ZNF471: variants seen among roughly 807,000 people sequenced by gnomAD.
ZNF471 encodes zinc finger protein 471.
Under a neutral mutation model 13.7 loss-of-function variants are expected in ZNF471, and 7 were observed. The observed-to-expected ratio is 0.51, with a 90% CI of 0.29 to 0.96. The LOEUF (loss-of-function observed/expected upper bound fraction) is 0.96, where lower values mean the gene tolerates loss of function less well. Among genes scored for constraint, ZNF471 ranks in the 40% least tolerant of loss-of-function variants. The pLI, the probability that ZNF471 is intolerant of heterozygous loss-of-function variation, is 0.08. For synonymous variants in ZNF471, 218 were observed against 235.6 expected, an observed-to-expected ratio of 0.93 and a Z score of 0.68; for missense variants, 663 against 743.3, an observed-to-expected ratio of 0.89 and a Z score of 1.26.
intron 2 of ZNF471, among the ~76,000 whole-genome samples, chr19:56,515,509 C>T (rs952213517): frequency 6.6e-6 from 1 of 152,140 alleles, no homozygotes; most frequent in Non-Finnish European, 1.5e-5. Context: ...TTAAAATGTG[C>T]TTTTAAACAC....
Position 56,525,306 on chromosome 19 carries a change from C to T in ZNF471, c.1239C>T (p.Ser413=). 1 of 1,611,764 alleles carries T rather than the reference C, an allele frequency of 6.2e-7. No homozygotes were observed. The highest frequency in any genetic ancestry group is 1.1e-5 in the South Asian group (1 of 90,838). The change falls in exon 5 of 5, where the codon AGC becomes AGT. Residue 413 remains serine, a synonymous_variant. Transcript: ENST00000308031. Reference sequence around the variant, plus strand: ...GTGGTGTGTGTGGAAAAACCTTCAGCTCGGGTTCATCCCGTACTGTACATC... The same window carrying T: ...GTGGTGTGTGTGGAAAAACCTTCAGTTCGGGTTCATCCCGTACTGTACATC... The part of the protein sequence containing the change: ...YKCGVCGKTF[S]SGSSRTVHQR...
rs937380926 is a variant in ZNF471, at chr19:56,522,515, A to G, written c.257-1809A>G. 6.6e-6 allele frequency among the ~76,000 whole-genome samples: 1 copy of G among 152,216 alleles called. No individual in the cohort carries two copies. Among genetic ancestry groups the G allele is most frequent in the Admixed American group, 6.5e-5 (1 of 15,286 alleles). ...ATCACAAATGCTTAGTGCATAATGT[A>G]TAATTGCTTAGGAAATATTGGATTA... On this transcript the variant is annotated intron_variant, in intron 4 of 4. Coordinates refer to ENST00000308031, the MANE Select transcript of ZNF471 (RefSeq NM_020813.4). The surrounding 1 kb of genome is among the most constrained non-coding windows in gnomAD (Gnocchi z 4.1).
chr19:56,517,878 C>T (rs1275519909), intron 3 of ZNF471, among the ~76,000 whole-genome samples: 1 of 152,056 alleles, frequency 6.6e-6, no homozygotes, highest in African/African-American at 2.4e-5. Context: ...TTATTTGGTT[C>T]TTCTTGTAGT....
chr19:56,510,189 G>T lies in ZNF471; in HGVS notation c.-55-1328G>T. The T allele has an allele frequency of 1.0e-6, 1 of 985,494 alleles. No individual in the cohort carries two copies. The highest frequency in any genetic ancestry group is 1.2e-6 in the Non-Finnish European group (1 of 829,990). 61.0% of individuals were successfully genotyped at this position (985,494 alleles called of 1,614,324 possible). Reference sequence around the variant, plus strand: ...TATTTTGTGTGCATGAGATAAAGCAGTTGGAATATGAGAGATCAGAGTGTG... The same window carrying T: ...TATTTTGTGTGCATGAGATAAAGCATTTGGAATATGAGAGATCAGAGTGTG... On this transcript the variant is annotated intron_variant, in intron 1 of 4. Transcript: ENST00000308031. The surrounding 1 kb of genome is among the most constrained non-coding windows in gnomAD (Gnocchi z 4.3).
intron 1 of ZNF471, chr19:56,511,045 T>G: frequency 3.2e-5 from 31 of 958,264 alleles, no homozygotes; most frequent in South Asian, 9.6e-5. Flanking sequence ...AGAAGGAGGA[T>G]AACCCTGGCC....
rs980411148 is a variant in ZNF471, at chr19:56,507,881, C to G, written c.-95C>G. The G allele has an allele frequency of 1.0e-6, 1 of 985,532 alleles. No homozygotes were observed. Among genetic ancestry groups the G allele is most frequent in the African/African-American group, 1.7e-5 (1 of 57,258 alleles). The allele number at this position is 985,532 out of a possible 1,614,324, so 61.0% of individuals were successfully genotyped here. A position where few individuals can be genotyped will look rare whatever the true frequency, so the allele number is the denominator to read the frequency against. ...GGGTTCCAGCGTCGACTCACGGAGT[C>G]CTTCGGATGAGAGCGTCTGGGTGCC... On this transcript the variant is annotated 5_prime_UTR_variant, in exon 1 of 5. Coordinates refer to ENST00000308031, the MANE Select transcript of ZNF471 (RefSeq NM_020813.4).
Position 56,508,275 on chromosome 19 carries a change from A to T in ZNF471, c.-56+355A>T. 9.0e-6 allele frequency: 7 copies of T among 777,066 alleles called. No homozygotes were observed. Among genetic ancestry groups the T allele is most frequent in the Non-Finnish European group, 1.1e-5 (7 of 643,242 alleles). 48.1% of individuals were successfully genotyped at this position (777,066 alleles called of 1,614,324 possible). ...TGTGACAGACCGAGAGTCCAGTGTG[A>T]GACCAGGGTATGTTCGTGTGTGACA... On this transcript the variant is annotated intron_variant, in intron 1 of 4. Coordinates refer to ENST00000308031, the MANE Select transcript of ZNF471 (RefSeq NM_020813.4). The surrounding 1 kb of genome is among the most constrained non-coding windows in gnomAD (Gnocchi z 4.7).
In ZNF471 at chr19:56,516,141, G is replaced by C; in HGVS notation, c.34-134G>C. 1 of 832,938 alleles carries C rather than the reference G, an allele frequency of 1.2e-6. No individual in the cohort carries two copies. The allele number at this position is 832,938 out of a possible 1,614,324, so 51.6% of individuals were successfully genotyped here. ...TAAACACTTCCATAAGTACTGTTTT[G>C]GCTTGGATCTTCCTATTTATGTTTT... On this transcript the variant is annotated intron_variant, in intron 2 of 4. Transcript: ENST00000308031. This position sits in a 1 kb window ranked among gnomAD's most constrained non-coding sequence, Gnocchi z 4.4.
In ZNF471 at chr19:56,516,439, G is replaced by A; in HGVS notation, c.160+38G>A. 6.4e-7 allele frequency: 1 copy of A among 1,567,580 alleles called. No individual in the cohort carries two copies. On this transcript the variant is annotated intron_variant, in intron 3 of 4. Transcript: ENST00000308031. The surrounding 1 kb of genome is among the most constrained non-coding windows in gnomAD (Gnocchi z 4.4). ...TCCCTCCTGCATAATCTACCTTTAAGGAACTTTTTTGTCTATATATTATTA... is the reference window on the plus strand; with the variant it reads ...TCCCTCCTGCATAATCTACCTTTAAAGAACTTTTTTGTCTATATATTATTA...
chr19:56,509,493 T>C (rs925730273), intron 1 of ZNF471, among the ~76,000 whole-genome samples: 1 of 152,216 alleles, frequency 6.6e-6, no homozygotes, highest in African/African-American at 2.4e-5. Context: ...CCCCGATTTA[T>C]AGCTAGTCAG....
In ZNF471 at chr19:56,508,171, G is replaced by A; in HGVS notation, c.-56+251G>A. 1 of 985,346 alleles carries A rather than the reference G, an allele frequency of 1.0e-6. No individual in the cohort carries two copies. The highest frequency in any genetic ancestry group is 4.7e-5 in the South Asian group (1 of 21,288). The allele number at this position is 985,346 out of a possible 1,614,324, so 61.0% of individuals were successfully genotyped here. A position where few individuals can be genotyped will look rare whatever the true frequency, so the allele number is the denominator to read the frequency against. On this transcript the variant is annotated intron_variant, in intron 1 of 4. Coordinates refer to ENST00000308031, the MANE Select transcript of ZNF471 (RefSeq NM_020813.4). The surrounding 1 kb of genome is among the most constrained non-coding windows in gnomAD (Gnocchi z 4.7). The stretch of plus-strand genomic sequence containing the variant: ...GGAGTGAGCTGTGGGAGAGATGGGG[G>A]TGTGCCTGTGTGTAAAAGATCTGTC...
Position 56,516,935 on chromosome 19 carries a change from T to C in ZNF471, c.160+534T>C, listed in dbSNP as rs547782492. On this transcript the variant is annotated intron_variant, in intron 3 of 4. Transcript: ENST00000308031. The surrounding 1 kb of genome is among the most constrained non-coding windows in gnomAD (Gnocchi z 4.4). Reference sequence around the variant, plus strand: ...CCCTTTTGATTATGCTTGTGGTTCATTGAGCTTCTTGAAACTAAATTTATA... The same window carrying C: ...CCCTTTTGATTATGCTTGTGGTTCACTGAGCTTCTTGAAACTAAATTTATA... 2.0e-4 allele frequency among the ~76,000 whole-genome samples: 30 copies of C among 152,340 alleles called. No individual in the cohort carries two copies. Among genetic ancestry groups the C allele is most frequent in the Non-Finnish European group, 3.1e-4 (21 of 68,040 alleles).
chr19:56,510,024 A>G lies in ZNF471; in HGVS notation c.-55-1493A>G. The G allele has an allele frequency of 1.2e-5, 12 of 985,544 alleles. No individual in the cohort carries two copies. Among genetic ancestry groups the G allele is most frequent in the Non-Finnish European group, 1.4e-5 (12 of 830,028 alleles). The allele number at this position is 985,544 out of a possible 1,614,324, so 61.0% of individuals were successfully genotyped here. A position where few individuals can be genotyped will look rare whatever the true frequency, so the allele number is the denominator to read the frequency against. On this transcript the variant is annotated intron_variant, in intron 1 of 4. Transcript: ENST00000308031. The surrounding 1 kb of genome is among the most constrained non-coding windows in gnomAD (Gnocchi z 4.3). The stretch of plus-strand genomic sequence containing the variant: ...CTAGACTGAGAGTTCAGTGATTGGG[A>G]GAGACTGGGGTATGTTGGTGTGAGT...
chr19:56,525,691 C>T lies in ZNF471; in HGVS notation c.1624C>T (p.Pro542Ser), dbSNP rs376984216. Reference sequence around the variant, plus strand: ...TCAGAAAACTCATACAGGAGAGAAACCTTATGAGTGTAATGAATGCGGGAA... The same window carrying T: ...TCAGAAAACTCATACAGGAGAGAAATCTTATGAGTGTAATGAATGCGGGAA... Reference protein sequence around the residue: ...QHQKTHTGEKPYECNECGKAF... With the variant: ...QHQKTHTGEKSYECNECGKAF... The change falls in exon 5 of 5, where the codon CCT (proline) becomes TCT (serine). Residue 542 changes from proline (P) to serine (S), a missense_variant. Coordinates refer to ENST00000308031, the MANE Select transcript of ZNF471 (RefSeq NM_020813.4). 2.3e-5 allele frequency: 37 copies of T among 1,613,942 alleles called. No homozygotes were observed. Among genetic ancestry groups the T allele is most frequent in the Middle Eastern group, 3.3e-4 (2 of 6,084 alleles).
Position 56,508,219 on chromosome 19 carries a change from G to C in ZNF471, c.-56+299G>C. On this transcript the variant is annotated intron_variant, in intron 1 of 4. Transcript: ENST00000308031. The surrounding 1 kb of genome is among the most constrained non-coding windows in gnomAD (Gnocchi z 4.7). The stretch of plus-strand genomic sequence containing the variant: ...GTCAGAGTGTGAGGCTCCGTGAGAG[G>C]GTGTGGTTTCTGTGTGTGTGTGTGT... 5 of 945,190 alleles carry C rather than the reference G, an allele frequency of 5.3e-6. No homozygotes were observed. Among genetic ancestry groups the C allele is most frequent in the Non-Finnish European group, 6.2e-6 (5 of 806,226 alleles). 58.6% of individuals were successfully genotyped at this position (945,190 alleles called of 1,614,324 possible). A position where few individuals can be genotyped will look rare whatever the true frequency, so the allele number is the denominator to read the frequency against.
rs12979404 is a variant in ZNF471, at chr19:56,510,567, G to A, written c.-55-950G>A. Reference sequence around the variant, plus strand: ...CGTGTGCTTATATTCATGTCCTCAGGCAATGGAAATGTGACTGTGTATATG... The same window carrying A: ...CGTGTGCTTATATTCATGTCCTCAGACAATGGAAATGTGACTGTGTATATG... On this transcript the variant is annotated intron_variant, in intron 1 of 4. Transcript: ENST00000308031. The surrounding 1 kb of genome is among the most constrained non-coding windows in gnomAD (Gnocchi z 4.3). 0.74 allele frequency: 727,273 copies of A among 985,486 alleles called. 269,583 individuals are homozygous for A. The highest frequency in any genetic ancestry group is 0.91 in the African/African-American group (52,255 of 57,290). The allele number at this position is 985,486 out of a possible 1,614,324, so 61.0% of individuals were successfully genotyped here. A position where few individuals can be genotyped will look rare whatever the true frequency, so the allele number is the denominator to read the frequency against.
At chr19:56,514,247 A>T (rs1183588723) in intron 2 of ZNF471, among the ~76,000 whole-genome samples, 1 of 151,616 alleles carries the variant, frequency 6.6e-6, no homozygotes, top group Non-Finnish European at 1.5e-5. Context: ...TTTTTGGTAG[A>T]GGTGGGGTTT....
rs1357484604 is a variant in ZNF471 at position 56,522,297 on chromosome 19, G to A, written c.257-2027G>A. On this transcript the variant is annotated intron_variant, in intron 4 of 4. Transcript: ENST00000308031. The surrounding 1 kb of genome is among the most constrained non-coding windows in gnomAD (Gnocchi z 4.1). ...CATGAAGACCTGGACTACAAAGCAT[G>A]TTAATACCTCAAAACCTTTCTTGAC... Among the ~76,000 whole-genome samples, 3 of 152,210 alleles carry A rather than the reference G, an allele frequency of 2.0e-5. No individual in the cohort carries two copies. Among genetic ancestry groups the A allele is most frequent in the Non-Finnish European group, 4.4e-5 (3 of 68,038 alleles).
At chr19:56,513,518 C>T (rs934670837) in intron 2 of ZNF471, among the ~76,000 whole-genome samples, 19 of 152,176 alleles carry the variant, frequency 1.2e-4, no homozygotes, top group Non-Finnish European at 2.1e-4. Flanking sequence ...ATTCTCTAAT[C>T]TCCTGTTAAG....
Sources: allele counts gnomAD v4.1 joint callset (sites outside exome capture counted in the v4.1 genomes callset), GRCh38; gene constraint gnomAD v4.1.1; non-coding constraint Gnocchi (gnomAD v3.1); transcripts MANE v1.5; gene names NCBI Gene and HGNC (gene_info 2026-07-23, HGNC 2026-07-21).